Variants in BTBD16 observed in about 807,000 individuals in gnomAD.
BTBD16 encodes the protein BTB/POZ domain-containing protein 16.
Under a neutral mutation model 67.4 loss-of-function variants are expected in BTBD16, and 66 were observed. The observed-to-expected ratio is 0.98, with a 90% CI of 0.80 to 1.20. The LOEUF (loss-of-function observed/expected upper bound fraction) is 1.20, where lower values mean the gene tolerates loss of function less well. Among genes scored for constraint, BTBD16 ranks in the 50% most tolerant of loss-of-function variants. The pLI is 0.00. For missense variants in BTBD16, 634 were observed against 616.0 expected, an observed-to-expected ratio of 1.03 and a Z score of -0.31; for synonymous variants, 242 against 236.4, an observed-to-expected ratio of 1.02 and a Z score of -0.22.
chr10:122,293,639 C>G (rs1240835310), intron 7 of BTBD16, among the ~76,000 whole-genome samples: 3 of 152,214 alleles, frequency 2.0e-5, no homozygotes, highest in African/African-American at 7.2e-5. Flanking sequence ...GGTGAAAAGT[C>G]CAGGTTTTCC....
At chr10:122,319,465 G>T (rs951345224) in intron 10 of BTBD16, among the ~76,000 whole-genome samples, 2 of 152,128 alleles carry the variant, frequency 1.3e-5, no homozygotes, top group African/African-American at 4.8e-5. Flanking sequence ...TATTCAGTAT[G>T]ATGTGTTGAA....
chr10:122,331,001 C>T (rs547282605), intron 11 of BTBD16, among the ~76,000 whole-genome samples, 175 bp from the exon 12 acceptor site: 1 of 152,294 alleles, frequency 6.6e-6, no homozygotes, highest in South Asian at 2.1e-4. Context: ...TGAACATAAC[C>T]ACAGTGACCC....
chr10:122,276,934 A>T lies in BTBD16; in HGVS notation c.162A>T (p.Pro54=). 6.2e-7 allele frequency: 1 copy of T among 1,614,010 alleles called. No homozygotes were observed. Among genetic ancestry groups the T allele is most frequent in the South Asian group, 1.1e-5 (1 of 91,058 alleles). ...SIDFEEALRN[P]DRLCISQIQK... is the part of the protein sequence containing the mutation. ...ACTTTGAGGAAGCTTTGAGGAACCC[A>T]GACAGGTATGGAGACTCAAAGGTTT... Residue 54 remains proline (P), a synonymous_variant, in exon 3 of 16, where the codon CCA becomes CCT. Transcript: ENST00000260723.
At chr10:122,314,378 C>T (rs1438757986) in intron 10 of BTBD16, among the ~76,000 whole-genome samples, 1 of 152,154 alleles carries the variant, frequency 6.6e-6, no homozygotes, top group Non-Finnish European at 1.5e-5. Flanking sequence ...GTGGCACACT[C>T]CTGTAGTCCC....
At position 122,319,059 on chromosome 10, in the gene BTBD16, C is replaced by T. The variant is rs1007771099; in HGVS notation, c.912-10421C>T. On this transcript the variant is annotated intron_variant, in intron 10 of 15. Transcript: ENST00000260723. ...GTGAAAAGTCTGTTCAAACCTTTGG[C>T]CCATATTTTTAAAACCGGGTTGTTT... Among the ~76,000 whole-genome samples the T allele has an allele frequency of 5.9e-5, 9 of 152,278 alleles. No homozygotes were observed. In the East Asian group the frequency reaches 1.2e-3, roughly 20 times the overall value.
chr10:122,279,588 T>A (rs1180151685), intron 3 of BTBD16, among the ~76,000 whole-genome samples: 1 of 151,496 alleles, frequency 6.6e-6, no homozygotes, highest in Admixed American at 6.6e-5. Flanking sequence ...TCCATGTGAT[T>A]GTGAGTAACT....
chr10:122,320,890 T>C lies in BTBD16; in HGVS notation c.912-8590T>C, dbSNP rs561412072. Among the ~76,000 whole-genome samples the C allele has an allele frequency of 1.1e-4, 16 of 152,322 alleles. No homozygotes were observed. The East Asian group carries it at 3.1e-3, about 29-fold the overall frequency. ...TTTTATTTCAGATTTAGGGGGTACA[T>C]GTACAGGTCTGTTACATGGATATAT... On this transcript the variant is annotated intron_variant, in intron 10 of 15. Transcript: ENST00000260723.
chr10:122,273,617 G>A (rs914842039), intron 1 of BTBD16, among the ~76,000 whole-genome samples: 4 of 151,984 alleles, frequency 2.6e-5, no homozygotes, highest in African/African-American at 4.8e-5. Context: ...GTGTGGTAGC[G>A]GACACCTGTA....
At chr10:122,324,975 G>A (rs2096441809) in intron 10 of BTBD16, among the ~76,000 whole-genome samples, 1 of 152,202 alleles carries the variant, frequency 6.6e-6, no homozygotes, top group Admixed American at 6.5e-5. Flanking sequence ...TTCCCTTTGT[G>A]CTAGGGTCAG....
At chr10:122,309,290 C>T (rs988660379) in intron 10 of BTBD16, among the ~76,000 whole-genome samples, 2 of 151,788 alleles carry the variant, frequency 1.3e-5, no homozygotes, top group Non-Finnish European at 2.9e-5. Context: ...CCACATCTGG[C>T]TAATTTTTAA....
intron 5 of BTBD16, among the ~76,000 whole-genome samples, chr10:122,286,705 G>A (rs1328764265): frequency 1.3e-5 from 2 of 152,134 alleles, no homozygotes; most frequent in Non-Finnish European, 2.9e-5. Flanking sequence ...GCCCACATGT[G>A]TGCATCTATT....
intron 10 of BTBD16, among the ~76,000 whole-genome samples, chr10:122,317,426 T>TC: frequency 1.3e-5 from 2 of 152,014 alleles, no homozygotes; most frequent in African/African-American, 2.4e-5. Context: ...GGCTGGTGGA[T>TC]CATGAGGTCA....
chr10:122,304,927 A>T (rs2096400935), intron 9 of BTBD16, among the ~76,000 whole-genome samples: 1 of 152,050 alleles, frequency 6.6e-6, no homozygotes, highest in Non-Finnish European at 1.5e-5. Flanking sequence ...CAGGCTCTGG[A>T]GCTAGGACCT....
At chr10:122,296,958 G>T (rs9633732) in intron 7 of BTBD16, among the ~76,000 whole-genome samples, 85,544 of 152,092 alleles carry the variant, frequency 0.56, 25,226 homozygotes, top group East Asian at 0.91. Context: ...TGCTGTTTCC[G>T]CTTCTTGGAA....
At chr10:122,306,920 C>T (rs2096404696) in intron 9 of BTBD16, among the ~76,000 whole-genome samples, 1 of 152,148 alleles carries the variant, frequency 6.6e-6, no homozygotes, top group Non-Finnish European at 1.5e-5. Context: ...AGTAAGAGCT[C>T]ATTAAATGAC....
chr10:122,332,287 G>T, intron 12 of BTBD16, 149 bp from the exon 13 acceptor site: 1 of 655,482 alleles, frequency 1.5e-6, no homozygotes, highest in Non-Finnish European at 2.6e-6. Context: ...TCTGTGAACT[G>T]AATGAATGGC....
intron 13 of BTBD16, among the ~76,000 whole-genome samples, chr10:122,333,750 T>C (rs995636569): frequency 3.3e-5 from 5 of 151,504 alleles, no homozygotes; most frequent in Non-Finnish European, 7.3e-5. Context: ...TTCTTCCTTT[T>C]TGCTTTGTAA....
At chr10:122,299,166 A>G (rs1256121730) in intron 9 of BTBD16, 32 bp downstream of exon 9, 1 of 1,609,336 alleles carries the variant, frequency 6.2e-7, no homozygotes, top group Non-Finnish European at 8.5e-7. Flanking sequence ...GCGGCCCCTG[A>G]GAGGGGGATG....
intron 7 of BTBD16, among the ~76,000 whole-genome samples, chr10:122,297,407 C>T (rs946812069): frequency 6.6e-6 from 1 of 152,212 alleles, no homozygotes; most frequent in Non-Finnish European, 1.5e-5. Context: ...CCATAAGGGT[C>T]TGTACAGGAA....
Sources: allele counts gnomAD v4.1 joint callset (sites outside exome capture counted in the v4.1 genomes callset), GRCh38; gene constraint gnomAD v4.1.1; transcripts MANE v1.5; gene names NCBI Gene and HGNC (gene_info 2026-07-23, HGNC 2026-07-21).